The following ADIPOR2 variants were observed in gnomAD, a reference collection of about 807,000 sequenced individuals.
ADIPOR2 encodes adiponectin receptor 2.
In ADIPOR2, 18 loss-of-function variants were observed where a neutral mutation model predicts 40.9. The ratio of observed to expected loss-of-function variants is 0.44; its 90% CI spans 0.30 to 0.65. The LOEUF is 0.65. Among genes scored for constraint, ADIPOR2 ranks in the 30% least tolerant of loss-of-function variants. The probability of loss-of-function intolerance (pLI) is 0.09; values close to 1 mark genes in which losing one functional copy is unlikely to be tolerated. For synonymous variants in ADIPOR2, 165 were observed against 166.4 expected, an observed-to-expected ratio of 0.99 and a Z score of 0.06; for missense variants, 283 against 479.2, an observed-to-expected ratio of 0.59 and a Z score of 3.82.
intron 1 of ADIPOR2, among the ~76,000 whole-genome samples, chr12:1,724,666 C>T (rs1484548858): frequency 1.3e-5 from 2 of 152,030 alleles, no homozygotes; most frequent in African/African-American, 4.8e-5. Context: ...TTTTACTATG[C>T]CATCATGCCT....
At chr12:1,757,760 A>G (rs1862171135) in intron 2 of ADIPOR2, 1 of 1,134,592 alleles carries the variant, frequency 8.8e-7, no homozygotes, top group Non-Finnish European at 1.3e-6. Flanking sequence ...ACATCCATGA[A>G]TCCAGCAGGG....
At chr12:1,713,404 G>T (rs1028064204) in intron 1 of ADIPOR2, among the ~76,000 whole-genome samples, 1 of 151,872 alleles carries the variant, frequency 6.6e-6, no homozygotes, top group African/African-American at 2.4e-5. Context: ...TTTCTTACTA[G>T]GCCTTGAGCT....
At chr12:1,743,240 A>AAAC (rs1555169148) in intron 1 of ADIPOR2, among the ~76,000 whole-genome samples, 8 of 132,956 alleles carry the variant, frequency 6.0e-5, no homozygotes, top group African/African-American at 2.1e-4. Flanking sequence ...AAAAAAAAAA[A>AAAC]AAAAAACAAA....
chr12:1,745,189 G>A (rs78249662), intron 1 of ADIPOR2, among the ~76,000 whole-genome samples: 132 of 152,238 alleles, frequency 8.7e-4, no homozygotes, highest in African/African-American at 2.8e-3. Flanking sequence ...TGATGGGTTT[G>A]CTTTTGCTCT....
chr12:1,748,300 G>C (rs532351275), intron 1 of ADIPOR2, among the ~76,000 whole-genome samples: 18 of 152,186 alleles, frequency 1.2e-4, no homozygotes, highest in Admixed American at 3.3e-4. Context: ...CCAGGCTGGA[G>C]TGCAGTGGCG....
At chr12:1,783,492 G>A (rs970139929) in intron 6 of ADIPOR2, among the ~76,000 whole-genome samples, 3 of 145,642 alleles carry the variant, frequency 2.1e-5, no homozygotes, top group African/African-American at 5.1e-5. Flanking sequence ...CTCTGCCCCC[G>A]GCTTCAGGTG....
At chr12:1,765,714 G>C (rs1386872620) in intron 2 of ADIPOR2, among the ~76,000 whole-genome samples, 1 of 152,086 alleles carries the variant, frequency 6.6e-6, no homozygotes, top group Non-Finnish European at 1.5e-5. Flanking sequence ...TATCATCTTA[G>C]TGCAGTCTTC....
chr12:1,732,171 C>A (rs1465533741), intron 1 of ADIPOR2, among the ~76,000 whole-genome samples: 1 of 152,194 alleles, frequency 6.6e-6, no homozygotes, highest in Non-Finnish European at 1.5e-5. Context: ...GATGTTAATA[C>A]ATTTTTAATT....
At chr12:1,725,457 A>G (rs916058331) in intron 1 of ADIPOR2, among the ~76,000 whole-genome samples, 2 of 152,162 alleles carry the variant, frequency 1.3e-5, no homozygotes, top group African/African-American at 4.8e-5. Flanking sequence ...CTATAAATCA[A>G]TTCCCTGAAA....
chr12:1,707,145 G>T (rs770496514), intron 1 of ADIPOR2, among the ~76,000 whole-genome samples: 4 of 152,228 alleles, frequency 2.6e-5, no homozygotes, highest in African/African-American at 4.8e-5. Context: ...CTGTGGTATG[G>T]CTATACCACA....
chr12:1,711,956 C>T (rs117958794), intron 1 of ADIPOR2, among the ~76,000 whole-genome samples: 3 of 152,136 alleles, frequency 2.0e-5, no homozygotes, highest in African/African-American at 7.3e-5. Flanking sequence ...TACTTGTTAT[C>T]TATACACATT....
At chr12:1,717,924 T>G (rs2094690874) in intron 1 of ADIPOR2, among the ~76,000 whole-genome samples, 1 of 152,190 alleles carries the variant, frequency 6.6e-6, no homozygotes, top group Non-Finnish European at 1.5e-5. Flanking sequence ...TTTTAAATGA[T>G]GTACTTAATT....
intron 1 of ADIPOR2, among the ~76,000 whole-genome samples, chr12:1,692,863 G>A (rs2094629976): frequency 6.6e-6 from 1 of 152,058 alleles, no homozygotes; most frequent in South Asian, 2.1e-4. Flanking sequence ...TGTAAATAAA[G>A]ATTTGATTAG....
intron 1 of ADIPOR2, among the ~76,000 whole-genome samples, chr12:1,738,126 A>T (rs765158158): frequency 3.4e-5 from 5 of 148,814 alleles, no homozygotes; most frequent in Non-Finnish European, 7.4e-5. Flanking sequence ...TAGTCCCAGT[A>T]CTTTGGGAGG....
chr12:1,777,371 ATTTTTTCTTTCT>A (rs899674923), intron 3 of ADIPOR2, among the ~76,000 whole-genome samples: 1 of 111,784 alleles, frequency 8.9e-6, no homozygotes. Context: ...TTAAAAGTAT[ATTTTTTCTTTCT>A]TTTTTTTTTT....
chr12:1,744,407 T>G (rs549092676), intron 1 of ADIPOR2, among the ~76,000 whole-genome samples: 6 of 152,178 alleles, frequency 3.9e-5, no homozygotes, highest in Admixed American at 2.6e-4. Flanking sequence ...TCCAGCTTTT[T>G]TTGTTGTTGT....
chr12:1,726,120 C>T, intron 1 of ADIPOR2, among the ~76,000 whole-genome samples: 1 of 152,134 alleles, frequency 6.6e-6, no homozygotes, highest in East Asian at 1.9e-4. Context: ...ATCACTTAAG[C>T]AACCTTAGTG....
chr12:1,707,426 G>C (rs2094665729), intron 1 of ADIPOR2, among the ~76,000 whole-genome samples: 1 of 142,776 alleles, frequency 7.0e-6, no homozygotes, highest in East Asian at 2.0e-4. Flanking sequence ...TTTTTTTTTA[G>C]TGTGAATTGA....
At chr12:1,779,993 G>A (rs1036026916) in intron 4 of ADIPOR2, among the ~76,000 whole-genome samples, 4 of 152,228 alleles carry the variant, frequency 2.6e-5, no homozygotes, top group African/African-American at 9.6e-5. Context: ...CTCCCTGACA[G>A]CTATTGGTAG....
Sources: gnomAD v4.1 joint callset for allele counts (sites outside exome capture counted in the v4.1 genomes callset) on GRCh38, gnomAD v4.1.1 for gene constraint, MANE v1.5 for transcripts, NCBI Gene and HGNC (gene_info 2026-07-23, HGNC 2026-07-21) for gene names.